PPP1R12A: variants seen among roughly 807,000 people sequenced by gnomAD.
PPP1R12A encodes myosin binding subunit.
Under a neutral mutation model 139.6 loss-of-function variants are expected in PPP1R12A, and 19 were observed. The observed-to-expected ratio is 0.14, with a 90% CI of 0.09 to 0.20. PPP1R12A has a LOEUF of 0.20. Ranked by LOEUF, PPP1R12A falls within the 10% of genes least tolerant of loss-of-function variation. The pLI is 1.00. For missense variants in PPP1R12A, 925 were observed against 1,211.5 expected (o/e 0.76, Z 3.51); for synonymous variants, 427 against 420.6 (o/e 1.02, Z -0.19).
intron 24 of PPP1R12A, among the ~76,000 whole-genome samples, chr12:79,776,366 TA>T (rs1391128397): frequency 6.6e-6 from 1 of 152,112 alleles, no homozygotes; most frequent in Admixed American, 6.5e-5. Context: ...TGTCAGCACC[TA>T]AACCAAAGAC....
chr12:79,825,700 T>C (rs1393394602), intron 5 of PPP1R12A, among the ~76,000 whole-genome samples: 1 of 151,856 alleles, frequency 6.6e-6, no homozygotes, highest in East Asian at 1.9e-4. Flanking sequence ...ACATCTTTAA[T>C]ATCATTTTTA....
chr12:79,781,428 G>A (rs934196381), intron 23 of PPP1R12A, among the ~76,000 whole-genome samples: 2 of 151,914 alleles, frequency 1.3e-5, no homozygotes, highest in Admixed American at 1.3e-4. Context: ...AAGAACGAAA[G>A]TATTTTAGGT....
chr12:79,889,998 C>T (rs991486805), intron 1 of PPP1R12A, among the ~76,000 whole-genome samples: 5 of 152,122 alleles, frequency 3.3e-5, no homozygotes, highest in African/African-American at 1.2e-4. Flanking sequence ...TCTTCTAATA[C>T]CATCACACCT....
intron 1 of PPP1R12A, among the ~76,000 whole-genome samples, chr12:79,912,098 C>T (rs1008094521): frequency 6.6e-6 from 1 of 152,084 alleles, no homozygotes; most frequent in African/African-American, 2.4e-5. Flanking sequence ...TTGCTCTGAC[C>T]AGAACCTATT....
intron 1 of PPP1R12A, among the ~76,000 whole-genome samples, chr12:79,916,086 T>A (rs1184614721): frequency 6.6e-6 from 1 of 150,410 alleles, no homozygotes; most frequent in Non-Finnish European, 1.5e-5. Context: ...CAGAACTATC[T>A]GTTTAATAGT....
intron 4 of PPP1R12A, 147 bp downstream of exon 4, chr12:79,832,185 G>T: frequency 1.6e-6 from 1 of 622,780 alleles, no homozygotes; most frequent in Non-Finnish European, 2.5e-6. Context: ...CATATTCAAA[G>T]TAGTTTTTCT....
Position 79,817,484 on chromosome 12 carries a change from G to C in PPP1R12A, c.1149C>G (p.Ala383=). The C allele has an allele frequency of 6.2e-7, 1 of 1,602,688 alleles. No homozygotes were observed. Among genetic ancestry groups the C allele is most frequent in the Non-Finnish European group, 8.5e-7 (1 of 1,173,562 alleles). The change falls in exon 9 of 25, where the codon GCC becomes GCG. Residue 383 remains alanine, a synonymous_variant. Transcript: ENST00000450142. ...GAGCTGCTTGTGTACTAGAAGTGTT[G>C]GCATTAGTTACAGAAGCCAGGGGTT... ...KTKPLASVTN[A]NTSSTQAAPV...
intron 10 of PPP1R12A, among the ~76,000 whole-genome samples, chr12:79,809,472 T>G (rs2137069188): frequency 6.6e-6 from 1 of 152,192 alleles, no homozygotes; most frequent in Non-Finnish European, 1.5e-5. Context: ...TGTTCCTATG[T>G]TTTTTAAACT....
chr12:79,912,592 G>T (rs953817701), intron 1 of PPP1R12A, among the ~76,000 whole-genome samples: 4 of 152,032 alleles, frequency 2.6e-5, no homozygotes, highest in Non-Finnish European at 5.9e-5. Flanking sequence ...TACTCAGGTG[G>T]CTGAGGTGGG....
At chr12:79,821,578 C>G (rs1169579986) in intron 6 of PPP1R12A, among the ~76,000 whole-genome samples, 1 of 152,064 alleles carries the variant, frequency 6.6e-6, no homozygotes, top group Non-Finnish European at 1.5e-5. Context: ...CATGGTGAAA[C>G]CCCATCTCTA....
intron 1 of PPP1R12A, among the ~76,000 whole-genome samples, chr12:79,933,884 C>A (rs986329835): frequency 1.3e-5 from 2 of 152,194 alleles, no homozygotes; most frequent in African/African-American, 4.8e-5. Flanking sequence ...AGCTTGGTAA[C>A]CGGCTTTGAA....
chr12:79,805,573 T>C lies in PPP1R12A; in HGVS notation c.2000+19A>G. ...ACTGGGCAAGATATATCAGCAGTAC[T>C]GTTATGACCTTTACACACCTGCGTC... On this transcript the variant is annotated intron_variant, in intron 14 of 24. Coordinates refer to ENST00000450142, the MANE Select transcript of PPP1R12A (RefSeq NM_002480.3). 2 of 1,608,076 alleles carry C rather than the reference T, an allele frequency of 1.2e-6. No homozygotes were observed. The highest frequency in any genetic ancestry group is 1.7e-6 in the Non-Finnish European group (2 of 1,176,386).
At chr12:79,801,920 T>A (rs1221777710) in intron 14 of PPP1R12A, among the ~76,000 whole-genome samples, 1 of 152,200 alleles carries the variant, frequency 6.6e-6, no homozygotes. Flanking sequence ...ATACTTATAT[T>A]AAGATGAAAA....
At chr12:79,895,083 T>C (rs1007718410) in intron 1 of PPP1R12A, among the ~76,000 whole-genome samples, 2 of 152,208 alleles carry the variant, frequency 1.3e-5, no homozygotes, top group Admixed American at 1.3e-4. Flanking sequence ...GTCAGTTCTA[T>C]GAGTAATGAT....
chr12:79,896,681 G>C lies in PPP1R12A; in HGVS notation c.238-23743C>G, dbSNP rs77123006. 2.7e-3 allele frequency among the ~76,000 whole-genome samples: 410 copies of C among 152,116 alleles called. 2 individuals are homozygous for C. The highest frequency in any genetic ancestry group is 9.5e-3 in the African/African-American group (396 of 41,502). Reference sequence around the variant, plus strand: ...GCCATTTTCTCTTTAGTTCGTAAAGGGGTGAGTGATGCCATCTCACTGTGA... The same window carrying C: ...GCCATTTTCTCTTTAGTTCGTAAAGCGGTGAGTGATGCCATCTCACTGTGA... On this transcript the variant is annotated intron_variant, in intron 1 of 24. Transcript: ENST00000450142.
At chr12:79,829,825 G>GA (rs934201670) in intron 4 of PPP1R12A, among the ~76,000 whole-genome samples, 3 of 151,666 alleles carry the variant, frequency 2.0e-5, no homozygotes, top group East Asian at 1.9e-4. Flanking sequence ...TGTGTGGCGA[G>GA]AAAAAAAGAG....
At chr12:79,779,927 G>A (rs1295496633) in intron 23 of PPP1R12A, 1 of 153,982 alleles carries the variant, frequency 6.5e-6, no homozygotes, top group Admixed American at 6.4e-5. Context: ...TAACTGGCCA[G>A]GCACAATGGC....
intron 3 of PPP1R12A, among the ~76,000 whole-genome samples, chr12:79,839,539 G>A (rs555121378): frequency 1.3e-5 from 2 of 152,232 alleles, no homozygotes; most frequent in Admixed American, 6.5e-5. Context: ...CCCACAAGTC[G>A]TGGGAGGGAC....
intron 2 of PPP1R12A, among the ~76,000 whole-genome samples, chr12:79,861,361 G>A (rs1881289228): frequency 6.6e-6 from 1 of 152,130 alleles, no homozygotes; most frequent in African/African-American, 2.4e-5. Context: ...GTCCAAATAG[G>A]AACAGTTCTG....
Sources: gnomAD v4.1 joint callset for allele counts (sites outside exome capture counted in the v4.1 genomes callset) on GRCh38, gnomAD v4.1.1 for gene constraint, MANE v1.5 for transcripts, NCBI Gene and HGNC (gene_info 2026-07-23, HGNC 2026-07-21) for gene names.